WHRN: variants seen among roughly 807,000 people sequenced by gnomAD.
WHRN encodes the protein CASK-interacting protein CIP98.
In WHRN, 41 loss-of-function variants were observed where a neutral mutation model predicts 68.3. The observed-to-expected ratio is 0.60, with a 90% CI of 0.47 to 0.78. WHRN has a LOEUF of 0.78. Ranked by LOEUF, WHRN falls within the 30% of genes least tolerant of loss-of-function variation. WHRN has a pLI of 0.00. For synonymous variants in WHRN, 560 were observed against 561.3 expected (o/e 1.00, Z 0.03); for missense variants, 1,243 against 1,244.7 (o/e 1.00, Z 0.02).
chr9:114,454,249 A>T (rs1839582143), intron 3 of WHRN, among the ~76,000 whole-genome samples: 1 of 152,230 alleles, frequency 6.6e-6, no homozygotes, highest in South Asian at 2.1e-4. Context: ...ATCATACTAG[A>T]CATTGTAGTC....
chr9:114,479,966 G>A (rs893778582), intron 1 of WHRN, among the ~76,000 whole-genome samples: 5 of 152,188 alleles, frequency 3.3e-5, no homozygotes, highest in Admixed American at 3.3e-4. Flanking sequence ...GGGAGGCTGA[G>A]GCAAGAGAAT....
chr9:114,443,562 G>A (rs1327022721), intron 3 of WHRN, among the ~76,000 whole-genome samples: 7 of 151,980 alleles, frequency 4.6e-5, no homozygotes, highest in African/African-American at 1.7e-4. Context: ...GATGACACGC[G>A]ACCCACCAGG....
intron 7 of WHRN, among the ~76,000 whole-genome samples, chr9:114,412,196 C>G (rs577132445): frequency 1.3e-5 from 2 of 152,240 alleles, no homozygotes; most frequent in African/African-American, 2.4e-5. Flanking sequence ...GTCCCAAGTC[C>G]CCGAGCCATG....
Position 114,423,518 on chromosome 9 carries a change from T to A in WHRN, c.1422A>T (p.Ser474=). ...FKLLNTHAKF[S]LLSEVRGTIS... is the part of the protein sequence containing the mutation. ...TGGTGCCTCTCACCTCAGAGAGGAGTGAGAACTGGAGGCGGGGACAAAAGG... is the reference window on the plus strand; with the variant it reads ...TGGTGCCTCTCACCTCAGAGAGGAGAGAGAACTGGAGGCGGGGACAAAAGG... Residue 474 remains serine, a synonymous_variant, in exon 7 of 12, where the codon TCA becomes TCT. Transcript: ENST00000362057. 6.2e-7 allele frequency: 1 copy of A among 1,606,756 alleles called. No homozygotes were observed. Among genetic ancestry groups the A allele is most frequent in the Non-Finnish European group, 8.5e-7 (1 of 1,174,530 alleles).
intron 7 of WHRN, among the ~76,000 whole-genome samples, chr9:114,421,548 G>A (rs988738553): frequency 6.6e-6 from 1 of 152,212 alleles, no homozygotes; most frequent in African/African-American, 2.4e-5. Flanking sequence ...CCATTCACTG[G>A]ATATTTCATC....
intron 2 of WHRN, among the ~76,000 whole-genome samples, chr9:114,469,854 G>T (rs1376982171): frequency 6.6e-6 from 1 of 152,212 alleles, no homozygotes; most frequent in Non-Finnish European, 1.5e-5. Flanking sequence ...AGGAGAACCC[G>T]CTTCCTTGCC....
intron 1 of WHRN, among the ~76,000 whole-genome samples, chr9:114,494,930 G>A (rs60596377): frequency 0.072 from 10,573 of 146,026 alleles, 1,218 homozygotes; most frequent in African/African-American, 0.25. Flanking sequence ...ATGACACTGG[G>A]GGGGGGAGCG....
intron 10 of WHRN, among the ~76,000 whole-genome samples, chr9:114,403,662 A>G (rs1834825014): frequency 6.6e-6 from 1 of 152,230 alleles, no homozygotes; most frequent in Admixed American, 6.5e-5. Context: ...AAAGATTCCC[A>G]AGACCAATCT....
At chr9:114,483,334 G>C (rs1395707171) in intron 1 of WHRN, among the ~76,000 whole-genome samples, 4 of 152,166 alleles carry the variant, frequency 2.6e-5, no homozygotes, top group Non-Finnish European at 4.4e-5. Flanking sequence ...ACTAAAATGT[G>C]TGTGGGTCAT....
chr9:114,464,475 G>A (rs1366643578), intron 3 of WHRN, among the ~76,000 whole-genome samples: 2 of 152,134 alleles, frequency 1.3e-5, no homozygotes, highest in South Asian at 2.1e-4. Context: ...TGGTGGAAGG[G>A]GCGAGGCAGT....
chr9:114,483,556 G>A (rs760585624), intron 1 of WHRN, among the ~76,000 whole-genome samples: 1 of 151,948 alleles, frequency 6.6e-6, no homozygotes, highest in Non-Finnish European at 1.5e-5. Flanking sequence ...GGCCACCTGG[G>A]GGATCGCGAG....
chr9:114,468,040 G>A (rs1406934508), intron 2 of WHRN, among the ~76,000 whole-genome samples: 1 of 152,148 alleles, frequency 6.6e-6, no homozygotes, highest in African/African-American at 2.4e-5. Flanking sequence ...CAACCACCTT[G>A]GGCAGAGGTG....
At chr9:114,475,177 G>A (rs1841548582) in intron 2 of WHRN, among the ~76,000 whole-genome samples, 1 of 152,110 alleles carries the variant, frequency 6.6e-6, no homozygotes, top group South Asian at 2.1e-4. Flanking sequence ...TTAAAAGTAA[G>A]CAGAACCAAG....
intron 1 of WHRN, among the ~76,000 whole-genome samples, chr9:114,499,620 G>A (rs554451359): frequency 1.3e-5 from 2 of 152,294 alleles, no homozygotes; most frequent in South Asian, 4.1e-4. Flanking sequence ...GGATGGAGGG[G>A]GGATTATGAC....
At chr9:114,462,706 C>G (rs1180069117) in intron 3 of WHRN, among the ~76,000 whole-genome samples, 2 of 152,228 alleles carry the variant, frequency 1.3e-5, no homozygotes, top group Admixed American at 6.5e-5. Context: ...GTTAAAATCT[C>G]AGTTCTAGCA....
intron 6 of WHRN, 96 bp downstream of exon 6, chr9:114,424,238 T>G: frequency 7.0e-7 from 1 of 1,437,888 alleles, no homozygotes. Context: ...AGTTCAGGCC[T>G]GACCCCTTGT....
At chr9:114,478,397 A>T in intron 2 of WHRN, 156 bp downstream of exon 2, 1 of 825,462 alleles carries the variant, frequency 1.2e-6, no homozygotes, top group East Asian at 2.6e-5. Context: ...AAAGAAAAGC[A>T]AAGAAAAAAC....
At chr9:114,472,087 T>A (rs1589217059) in intron 2 of WHRN, among the ~76,000 whole-genome samples, 1 of 152,340 alleles carries the variant, frequency 6.6e-6, no homozygotes, top group East Asian at 1.9e-4. Context: ...CTTTCTGTGA[T>A]CCACAGCCAA....
intron 2 of WHRN, among the ~76,000 whole-genome samples, chr9:114,472,763 TCAGCA>T (rs1841344857): frequency 1.3e-5 from 2 of 152,220 alleles, no homozygotes; most frequent in South Asian, 4.1e-4. Context: ...CAGTACCTAG[TCAGCA>T]TTTAGTAACT....
Sources: allele counts gnomAD v4.1 joint callset (sites outside exome capture counted in the v4.1 genomes callset), GRCh38; gene constraint gnomAD v4.1.1; transcripts MANE v1.5; gene names NCBI Gene and HGNC (gene_info 2026-07-23, HGNC 2026-07-21).